The following RRBP1 variants were observed in gnomAD, a reference collection of about 807,000 sequenced individuals.
RRBP1 encodes the protein ribosome binding protein 1, also known as ribosome-binding protein 1.
In RRBP1, 94 loss-of-function variants were observed where a neutral mutation model predicts 165.2. That is an observed-to-expected ratio of 0.57 (90% CI 0.48 to 0.68). The LOEUF is 0.68. RRBP1 is among the 30% of genes least tolerant of loss of function. The pLI, the probability that RRBP1 is intolerant of heterozygous loss-of-function variation, is 0.00. For missense variants in RRBP1, 1,676 were observed against 1,763.0 expected (o/e 0.95, Z 0.88); for synonymous variants, 680 against 714.5 (o/e 0.95, Z 0.77).
At chr20:17,663,980 C>G (rs2036818992) in intron 2 of RRBP1, among the ~76,000 whole-genome samples, 1 of 152,192 alleles carries the variant, frequency 6.6e-6, no homozygotes, top group Non-Finnish European at 1.5e-5. Flanking sequence ...TCCCAACACC[C>G]CCAGTGGGTC....
chr20:17,625,414 C>A lies in RRBP1; in HGVS notation c.3054+98G>T, dbSNP rs570664863. 101 of 1,035,062 alleles carry A rather than the reference C, an allele frequency of 9.8e-5. No homozygotes were observed. The African/African-American group carries it at 1.4e-3, about 14-fold the overall frequency. 64.1% of individuals were successfully genotyped at this position (1,035,062 alleles called of 1,614,324 possible). A position where few individuals can be genotyped will look rare whatever the true frequency, so the allele number is the denominator to read the frequency against. On this transcript the variant is annotated intron_variant, in intron 12 of 24. Transcript: ENST00000377813. ...GGTGTAGAAACACAAGCTCAGCCCT[C>A]CCCCGAGTCCAGGGCGGGTGCCACA...
At chr20:17,676,350 A>G (rs1398933418) in intron 2 of RRBP1, among the ~76,000 whole-genome samples, 1 of 152,200 alleles carries the variant, frequency 6.6e-6, no homozygotes, top group Non-Finnish European at 1.5e-5. Context: ...GCGAGGAGTT[A>G]AGGATAAACC....
chr20:17,671,798 T>C (rs2036984488), intron 2 of RRBP1, among the ~76,000 whole-genome samples: 1 of 152,220 alleles, frequency 6.6e-6, no homozygotes, highest in Non-Finnish European at 1.5e-5. Flanking sequence ...TTTCACCACC[T>C]GCTTCAGTGT....
rs372137055 is a variant in RRBP1, at chr20:17,625,597, T to C, written c.2969A>G (p.Lys990Arg). The C allele has an allele frequency of 7.4e-6, 12 of 1,613,684 alleles. No individual in the cohort carries two copies. The highest frequency in any genetic ancestry group is 1.3e-5 in the African/African-American group (1 of 74,904). The part of the protein sequence containing the change: ...AEADQQQTRL[K>R]ELESQVSGLE... ...ACCCGACACCTGGGACTCCAGCTCC[T>C]TGAGGCTGAAGGGACACAACGAGGT... The change falls in exon 12 of 25, where the codon AAG becomes AGG. Residue 990 changes from lysine (K) to arginine (R), a missense_variant. Physicochemically the swap from Lys to Arg is conservative, Grantham distance 26. Transcript: ENST00000377813.
At chr20:17,615,003 T>C in intron 23 of RRBP1, 123 bp from the exon 24 acceptor site, 1 of 1,091,118 alleles carries the variant, frequency 9.2e-7, no homozygotes, top group Non-Finnish European at 1.3e-6. Flanking sequence ...AGGCAACTCC[T>C]GGTCACCCGG....
rs114494380 is a variant in RRBP1, at chr20:17,627,494, G to A, written c.2928+10C>T. 1,580 of 1,607,322 alleles carry A rather than the reference G, an allele frequency of 9.8e-4. 21 individuals are homozygous for A. The African/African-American group carries it at 0.019, about 19-fold the overall frequency. ...CCTTTCCTCCCCGTGGCCCCAGGCA[G>A]AAGGCTGACCTGGACGTCCTGGGCA... is the stretch of plus-strand genomic sequence containing the variant. On this transcript the variant is annotated intron_variant, in intron 10 of 24. Coordinates refer to ENST00000377813, the MANE Select transcript of RRBP1 (RefSeq NM_001365613.2).
intron 2 of RRBP1, among the ~76,000 whole-genome samples, chr20:17,668,031 T>C (rs1430864865): frequency 6.6e-6 from 1 of 152,246 alleles, no homozygotes; most frequent in African/African-American, 2.4e-5. Context: ...AATATCTTTT[T>C]AATCTCTCAT....
rs147892061 is a variant in RRBP1 at position 17,614,778 on chromosome 20, T to C, written c.4153A>G (p.Lys1385Glu). 7.5e-5 allele frequency: 121 copies of C among 1,613,656 alleles called. No individual in the cohort carries two copies. Among genetic ancestry groups the C allele is most frequent in the Non-Finnish European group, 8.7e-5 (103 of 1,180,018 alleles). Residue 1385 changes from lysine (K) to glutamate (E), a missense_variant, in exon 24 of 25, where the codon AAG becomes GAG. Physicochemically the swap from Lys to Glu is moderately conservative, Grantham distance 56. This residue lies in a region of RRBP1 where 1,184 missense variants were observed against 1,167.1 expected (regional missense o/e 1.01). Coordinates refer to ENST00000377813, the MANE Select transcript of RRBP1 (RefSeq NM_001365613.2). ...KTTQEQLARE[K>E]DTVKKLQEQL... ...TCCTGCAGCTTCTTCACCGTGTCCT[T>C]CTCCCTTGCCAGCTGCTCCTGGGTC...
intron 2 of RRBP1, among the ~76,000 whole-genome samples, chr20:17,679,257 G>C (rs752117172): frequency 3.3e-5 from 5 of 152,236 alleles, no homozygotes; most frequent in Non-Finnish European, 7.3e-5. Context: ...GTTGGGCTAA[G>C]CTTCATTTAT....
Position 17,614,228 on chromosome 20 carries a change from C to A in RRBP1, c.4195-8G>T, listed in dbSNP as rs753469478. On this transcript the variant is annotated splice_region_variant and splice_polypyrimidine_tract_variant and intron_variant, in intron 24 of 24. Coordinates refer to ENST00000377813, the MANE Select transcript of RRBP1 (RefSeq NM_001365613.2). Reference sequence around the variant, plus strand: ...TGAGCTGCTGCCGTCCTCCTGTGAACGAAGGCAGGTGGCGTGAGGGGGGCT... The same window carrying A: ...TGAGCTGCTGCCGTCCTCCTGTGAAAGAAGGCAGGTGGCGTGAGGGGGGCT... 6.2e-7 allele frequency: 1 copy of A among 1,613,132 alleles called. No individual in the cohort carries two copies. The highest frequency in any genetic ancestry group is 1.1e-5 in the South Asian group (1 of 91,084).
At chr20:17,671,175 T>C (rs928413929) in intron 2 of RRBP1, among the ~76,000 whole-genome samples, 1 of 152,248 alleles carries the variant, frequency 6.6e-6, no homozygotes, top group African/African-American at 2.4e-5. Flanking sequence ...TAGGTCATTG[T>C]ATAGTTTCCT....
chr20:17,658,031 TG>T, intron 3 of RRBP1, among the ~76,000 whole-genome samples: 1 of 152,368 alleles, frequency 6.6e-6, no homozygotes, highest in African/African-American at 2.4e-5. Flanking sequence ...TTCTACACTG[TG>T]TGGTGGACAG....
intron 5 of RRBP1, among the ~76,000 whole-genome samples, chr20:17,639,091 G>A (rs979520598): frequency 1.3e-5 from 2 of 152,252 alleles, no homozygotes; most frequent in Admixed American, 6.5e-5. Context: ...TCAGGACAGA[G>A]GTTCTGGTGC....
In RRBP1 at chr20:17,674,833, G is replaced by A. The variant is rs548207836; in HGVS notation, c.-22+5166C>T. Among the ~76,000 whole-genome samples the A allele has an allele frequency of 1.4e-3, 206 of 152,314 alleles. 1 individual carries two copies. Among genetic ancestry groups the A allele is most frequent in the African/African-American group, 4.7e-3 (195 of 41,566 alleles). On this transcript the variant is annotated intron_variant, in intron 2 of 24. Coordinates refer to ENST00000377813, the MANE Select transcript of RRBP1 (RefSeq NM_001365613.2). ...AACACAAAATCTACCTCTTTTCAGA[G>A]CAGCCAGCACACTGTTCACACCCAA...
chr20:17,624,518 AT>A, intron 13 of RRBP1, 57 bp downstream of exon 13: 2 of 1,170,802 alleles, frequency 1.7e-6, no homozygotes, highest in Non-Finnish European at 2.5e-6. Flanking sequence ...GTCTTAGTGC[AT>A]TTGTGCATCC....
chr20:17,618,454 G>C (rs16999492), intron 20 of RRBP1, 142 bp downstream of exon 20: 2 of 715,940 alleles, frequency 2.8e-6, no homozygotes. Context: ...CCAGAAGCCG[G>C]CCCCATGCTG....
intron 6 of RRBP1, 102 bp downstream of exon 6, chr20:17,636,475 C>A: frequency 7.2e-7 from 1 of 1,397,960 alleles, no homozygotes; most frequent in South Asian, 1.3e-5. Context: ...CATCCTCAAC[C>A]CCCTCCTCAT....
In RRBP1 at chr20:17,614,129, G is replaced by GTCCAT. The variant is rs771612020; in HGVS notation, c.*52_*53insATGGA. ...GTTGGTTGGTTTATTTGTAAGGAATGTGTAAGGCATTTTGGTAAGTTGAAC... is the reference window on the plus strand; with the variant it reads ...GTTGGTTGGTTTATTTGTAAGGAATGTCCATTGTAAGGCATTTTGGTAAGTTGAAC... On this transcript the variant is annotated 3_prime_UTR_variant, in exon 25 of 25. Transcript: ENST00000377813. The GTCCAT allele has an allele frequency of 2.4e-4, 382 of 1,571,308 alleles. No individual in the cohort carries two copies. Among genetic ancestry groups the GTCCAT allele is most frequent in the Admixed American group, 4.0e-4 (24 of 59,964 alleles).
In RRBP1 at chr20:17,658,807, C is replaced by A. The variant is rs761218372; in HGVS notation, c.1701G>T (p.Gly567=). 2 of 1,613,922 alleles carry A rather than the reference C, an allele frequency of 1.2e-6. No individual in the cohort carries two copies. Among genetic ancestry groups the A allele is most frequent in the Non-Finnish European group, 1.7e-6 (2 of 1,179,878 alleles). ...CACTGGGGGACCCTTCTGCTTTTTT[C>A]CCCTGGTTTGTAATACCCTCTACCT... The part of the protein sequence containing the change: ...GTKVEGITNQ[G]KKAEGSPSEG... The change falls in exon 3 of 25, where the codon GGG becomes GGT. Residue 567 remains glycine (G), a synonymous_variant. Coordinates refer to ENST00000377813, the MANE Select transcript of RRBP1 (RefSeq NM_001365613.2).
Sources: gnomAD v4.1 joint callset for allele counts (sites outside exome capture counted in the v4.1 genomes callset) on GRCh38, gnomAD v4.1.1 for gene constraint, gnomAD v4.1.1 regional missense constraint, MANE v1.5 for transcripts, NCBI Gene and HGNC (gene_info 2026-07-23, HGNC 2026-07-21) for gene names.